The following ELP6 variants were observed in gnomAD, a reference collection of about 807,000 sequenced individuals.
The protein encoded by ELP6 is elongator acetyltransferase complex subunit 6.
Under a neutral mutation model 28.1 loss-of-function variants are expected in ELP6, and 23 were observed. That is an observed-to-expected ratio of 0.82 (90% CI 0.59 to 1.16). The LOEUF is 1.16. Ranked by LOEUF, ELP6 falls within the 50% of genes most tolerant of loss-of-function variation. The probability of loss-of-function intolerance (pLI) is 0.00; values close to 1 mark genes in which losing one functional copy is unlikely to be tolerated. For synonymous variants in ELP6, 132 were observed against 135.8 expected (o/e 0.97, Z 0.19); for missense variants, 313 against 334.6 (o/e 0.94, Z 0.50).
intron 1 of ELP6, 140 bp from the exon 2 acceptor site, chr3:47,511,366 C>A: frequency 7.1e-7 from 1 of 1,408,966 alleles, no homozygotes; most frequent in Admixed American, 3.0e-5. Flanking sequence ...TGCTAAGGTA[C>A]CCTGAAATGA....
intron 2 of ELP6, 67 bp from the exon 3 acceptor site, chr3:47,510,321 T>C: frequency 7.1e-7 from 1 of 1,411,712 alleles, no homozygotes; most frequent in African/African-American, 1.4e-5. Context: ...ATTTCATACC[T>C]CTGGAAAAAA....
At chr3:47,497,924 C>A in intron 6 of ELP6, 2 of 983,826 alleles carry the variant, frequency 2.0e-6, no homozygotes, top group Non-Finnish European at 2.4e-6. Flanking sequence ...GAGCAAGACT[C>A]CGTCTAAAAA....
chr3:47,502,626 G>C (rs1488166548), intron 4 of ELP6: 1 of 904,044 alleles, frequency 1.1e-6, no homozygotes, highest in Non-Finnish European at 1.3e-6. Context: ...TTTGAGCCCA[G>C]GAGTTCAAGA....
chr3:47,511,018 G>GC (rs1288965079), intron 2 of ELP6, 130 bp downstream of exon 2: 5 of 704,100 alleles, frequency 7.1e-6, no homozygotes, highest in South Asian at 1.8e-5. Flanking sequence ...TAATAAAATA[G>GC]CCCCCCTAGG....
chr3:47,513,528 A>C lies in ELP6; in HGVS notation c.54+9T>G, dbSNP rs1171757938. 5.6e-6 allele frequency: 9 copies of C among 1,607,134 alleles called. No homozygotes were observed. The highest frequency in any genetic ancestry group is 2.3e-5 in the East Asian group (1 of 44,204). On this transcript the variant is annotated intron_variant, in intron 1 of 6. Transcript: ENST00000296149. ...GTCCCGCCCCCTTCCGGCCAGCGGGACCTCTTACCTGCTCCGCCCTGTCGG... is the reference window on the plus strand; with the variant it reads ...GTCCCGCCCCCTTCCGGCCAGCGGGCCCTCTTACCTGCTCCGCCCTGTCGG...
At chr3:47,510,735 A>T (rs1708991064) in intron 2 of ELP6, among the ~76,000 whole-genome samples, 1 of 152,244 alleles carries the variant, frequency 6.6e-6, no homozygotes, top group Non-Finnish European at 1.5e-5. Flanking sequence ...CTGGGATTAT[A>T]GATAATGAGC....
In ELP6 at chr3:47,513,678, C is replaced by G. The variant is rs1332430570; in HGVS notation, c.-88G>C. On this transcript the variant is annotated 5_prime_UTR_variant, in exon 1 of 7. Transcript: ENST00000296149. ...TGGAGAGCAAAACACACCCGACAGC[C>G]CGGCTCGCGCAAGGAAGCGCGCATG... 1 of 1,548,128 alleles carries G rather than the reference C, an allele frequency of 6.5e-7. No individual in the cohort carries two copies. The highest frequency in any genetic ancestry group is 8.8e-7 in the Non-Finnish European group (1 of 1,134,486).
intron 5 of ELP6, chr3:47,498,750 C>G (rs1010774014): frequency 1.1e-5 from 11 of 980,882 alleles, no homozygotes; most frequent in Non-Finnish European, 1.3e-5. Context: ...GCCAGGCAAC[C>G]ATTCATTCAG....
At chr3:47,497,925 C>G (rs551284441) in intron 6 of ELP6, 14 of 983,276 alleles carry the variant, frequency 1.4e-5, no homozygotes, top group Non-Finnish European at 1.7e-5. Flanking sequence ...AGCAAGACTC[C>G]GTCTAAAAAA....
Position 47,498,308 on chromosome 3 carries a change from A to G in ELP6, c.650T>C (p.Phe217Ser), listed in dbSNP as rs1393391827. 6.2e-7 allele frequency: 1 copy of G among 1,613,624 alleles called. No homozygotes were observed. The highest frequency in any genetic ancestry group is 1.1e-5 in the South Asian group (1 of 91,080). The change falls in exon 6 of 7, where the codon TTC becomes TCC. Residue 217 changes from phenylalanine (F) to serine (S), a missense_variant. Phe to Ser is a radical substitution (Grantham distance 155). Coordinates refer to ENST00000296149, the MANE Select transcript of ELP6 (RefSeq NM_001031703.3). The stretch of plus-strand genomic sequence containing the variant: ...TACCTGCCCGTGCACATCCCTGCAG[A>G]AGCCAGTGGCCAGGCCCTCAGCCCG... The part of the protein sequence containing the change: ...ILRAEGLATG[F>S]CRDVHGQLRI...
chr3:47,496,762 G>A (rs557931483), intron 6 of ELP6: 1 of 982,964 alleles, frequency 1.0e-6, no homozygotes, highest in Non-Finnish European at 1.2e-6. Flanking sequence ...CCAAAGTGCT[G>A]GGATTACAGG....
At chr3:47,513,409 C>T in intron 1 of ELP6, 128 bp downstream of exon 1, 1 of 1,478,750 alleles carries the variant, frequency 6.8e-7, no homozygotes, top group Admixed American at 2.6e-5. Context: ...CCTCTGCGGA[C>T]TACAACTCCC....
chr3:47,500,186 C>A, intron 5 of ELP6: 1 of 1,111,542 alleles, frequency 9.0e-7, no homozygotes, highest in Non-Finnish European at 1.1e-6. Context: ...TATTTTTGGG[C>A]AATGGACAAC....
chr3:47,513,175 G>C, intron 1 of ELP6: 1 of 966,050 alleles, frequency 1.0e-6, no homozygotes, highest in Non-Finnish European at 1.3e-6. Context: ...ATTTTTCGTA[G>C]AGACGGGGGT....
At chr3:47,497,389 T>C (rs1371497274) in intron 6 of ELP6, 1 of 970,774 alleles carries the variant, frequency 1.0e-6, no homozygotes, top group African/African-American at 1.8e-5. Flanking sequence ...CAGGCTGGAG[T>C]GCAGTGGCGC....
chr3:47,496,224 G>A, intron 6 of ELP6, 27 bp from the exon 7 acceptor site: 5 of 1,610,764 alleles, frequency 3.1e-6, no homozygotes, highest in Non-Finnish European at 4.2e-6. Flanking sequence ...GAATGAAAGA[G>A]GAGCAGCCAC....
intron 4 of ELP6, chr3:47,502,415 C>CAAAAAAAAAAAA: frequency 1.1e-6 from 1 of 880,186 alleles, no homozygotes; most frequent in Non-Finnish European, 1.3e-6. Flanking sequence ...GACTCTGTCT[C>CAAAAAAAAAAAA]AAAAAAAAAA....
At chr3:47,497,712 C>T (rs1041924397) in intron 6 of ELP6, among the ~76,000 whole-genome samples, 4 of 150,752 alleles carry the variant, frequency 2.7e-5, no homozygotes, top group Non-Finnish European at 3.0e-5. Flanking sequence ...GGGTGGATCA[C>T]GAGGTCAGGA....
At chr3:47,511,046 T>G in intron 2 of ELP6, 102 bp downstream of exon 2, 1 of 990,898 alleles carries the variant, frequency 1.0e-6, no homozygotes, top group Non-Finnish European at 1.5e-6. Context: ...ACACCAAGGC[T>G]TGGCTTGTAA....
Sources: allele counts gnomAD v4.1 joint callset (sites outside exome capture counted in the v4.1 genomes callset), GRCh38; gene constraint gnomAD v4.1.1; transcripts MANE v1.5; gene names NCBI Gene and HGNC (gene_info 2026-07-23, HGNC 2026-07-21).